MED21: variants seen among roughly 807,000 people sequenced by gnomAD.
MED21 encodes mediator complex subunit 21, also known as mediator of RNA polymerase II transcription subunit 21.
In MED21, 9 loss-of-function variants were observed where a neutral mutation model predicts 18.2. That is an observed-to-expected ratio of 0.49 (90% CI 0.30 to 0.86). The LOEUF (loss-of-function observed/expected upper bound fraction) is 0.86. MED21 is among the 40% of genes least tolerant of loss of function. The probability of loss-of-function intolerance (pLI) is 0.07; values close to 1 mark genes in which losing one functional copy is unlikely to be tolerated. For synonymous variants in MED21, 73 were observed against 60.5 expected (o/e 1.21, Z -0.96); for missense variants, 150 against 170.9 (o/e 0.88, Z 0.68).
At chr12:27,037,644 A>G (rs1308519019) in intron 2 of MED21, 2 of 152,230 alleles carry the variant, frequency 1.3e-5, no homozygotes, top group African/African-American at 2.4e-5. Flanking sequence ...TCAGGAATGC[A>G]TGGCAGTTCT....
intron 1 of MED21, among the ~76,000 whole-genome samples, chr12:27,026,215 A>G (rs1371504202): frequency 1.3e-5 from 2 of 152,226 alleles, no homozygotes; most frequent in African/African-American, 4.8e-5. Flanking sequence ...ACCTAGATTG[A>G]TACCAAACTT....
At chr12:27,036,440 T>G (rs1254533456) in intron 2 of MED21, among the ~76,000 whole-genome samples, 2 of 152,336 alleles carry the variant, frequency 1.3e-5, no homozygotes, top group South Asian at 2.1e-4. Flanking sequence ...CTCTTTAGTT[T>G]AATTAGATCC....
At chr12:27,036,001 G>A (rs937124549) in intron 2 of MED21, among the ~76,000 whole-genome samples, 1 of 152,188 alleles carries the variant, frequency 6.6e-6, no homozygotes, top group Non-Finnish European at 1.5e-5. Context: ...CTAGATCCCT[G>A]AGGAATCACC....
chr12:27,022,892 G>A, intron 1 of MED21: 1 of 1,383,952 alleles, frequency 7.2e-7, no homozygotes, highest in Admixed American at 2.6e-5. Flanking sequence ...CAGGACTTGT[G>A]GGCTGCGCGG....
rs1187258196 is a variant in MED21 at position 27,029,531 on chromosome 12, G to GT, written c.*1073dup. 7 of 985,256 alleles carry GT rather than the reference G, an allele frequency of 7.1e-6. 1 individual carries two copies. In the African/African-American group the frequency reaches 1.0e-4, roughly 15 times the overall value. The allele number at this position is 985,256 out of a possible 1,614,324, so 61.0% of individuals were successfully genotyped here. Reference sequence around the variant, plus strand: ...TTGCTGCAATCTGTTGCTATTCAGAGTTTAAGTTTCAGGAGAAAACAGGAA... The same window carrying GT: ...TTGCTGCAATCTGTTGCTATTCAGAGTTTTAAGTTTCAGGAGAAAACAGGAA... On this transcript the variant is annotated 3_prime_UTR_variant, in exon 4 of 4. Transcript: ENST00000282892.
At position 27,027,335 on chromosome 12, in the gene MED21, A is replaced by T; in HGVS notation, c.158-12A>T. The T allele has an allele frequency of 6.3e-7, 1 of 1,592,824 alleles. No individual in the cohort carries two copies. The highest frequency in any genetic ancestry group is 2.2e-5 in the East Asian group (1 of 44,746). On this transcript the variant is annotated splice_polypyrimidine_tract_variant and intron_variant, in intron 2 of 3. Coordinates refer to ENST00000282892, the MANE Select transcript of MED21 (RefSeq NM_004264.5). Reference sequence around the variant, plus strand: ...TTTTCTAATATCCTAATCTAGCAGTATCTTTCTCTAGAGTATGCCCAGCTT... The same window carrying T: ...TTTTCTAATATCCTAATCTAGCAGTTTCTTTCTCTAGAGTATGCCCAGCTT...
At position 27,022,584 on chromosome 12, in the gene MED21, C is replaced by T. The variant is rs745967078; in HGVS notation, c.5C>T (p.Ala2Val). 2.0e-5 allele frequency: 32 copies of T among 1,563,774 alleles called. No homozygotes were observed. The highest frequency in any genetic ancestry group is 2.3e-5 in the East Asian group (1 of 44,098). ...TCTGTTTGCTGCGGTAGGAACATGG[C>T]GGATCGGCTCACGCAGCTTCAGGAC... MADRLTQLQDAV... is the reference protein window; with the variant it reads MVDRLTQLQDAV... Residue 2 changes from alanine to valine, a missense_variant, in exon 1 of 4, where the codon GCG becomes GTG. Physicochemically the swap from Ala to Val is moderately conservative, Grantham distance 64 (BLOSUM62 0). Coordinates refer to ENST00000282892, the MANE Select transcript of MED21 (RefSeq NM_004264.5).
At chr12:27,035,107 C>CA (rs570724008), downstream of MED21, among the ~76,000 whole-genome samples, 7 of 152,232 alleles carry the variant, frequency 4.6e-5, no homozygotes, top group South Asian at 1.5e-3. Context: ...TCCAGCTACT[C>CA]AGTTGGGAGG....
Position 27,028,484 on chromosome 12 carries a change from G to C in MED21, c.*23G>C. The C allele has an allele frequency of 6.2e-7, 1 of 1,601,902 alleles. No homozygotes were observed. The highest frequency in any genetic ancestry group is 8.5e-7 in the Non-Finnish European group (1 of 1,172,278). ...TAGCATCAGTGGATACCATGTGGCT[G>C]AGAAAAGAACTGTTTGAGTGCCATT... On this transcript the variant is annotated 3_prime_UTR_variant, in exon 4 of 4. Transcript: ENST00000282892.
rs2136488299 is a variant in MED21 at position 27,028,377 on chromosome 12, G to A, written c.351G>A (p.Lys117=). 2 of 1,614,162 alleles carry A rather than the reference G, an allele frequency of 1.2e-6. No individual in the cohort carries two copies. The highest frequency in any genetic ancestry group is 8.5e-7 in the Non-Finnish European group (1 of 1,180,002). The change falls in exon 4 of 4, where the codon AAG becomes AAA. Residue 117 remains lysine, a synonymous_variant. Transcript: ENST00000282892. The part of the protein sequence containing the change: ...VVYRGDMLLE[K]IQSALADIAQ... ...ATCGAGGAGACATGCTTCTGGAGAA[G>A]ATACAAAGCGCACTTGCTGATATTG...
intron 1 of MED21, among the ~76,000 whole-genome samples, chr12:27,024,905 TA>T: frequency 1.3e-5 from 2 of 152,312 alleles, no homozygotes; most frequent in Admixed American, 1.3e-4. Context: ...TGAACCAAAA[TA>T]GGGGGAATCT....
chr12:27,023,043 C>T (rs1941493656), intron 1 of MED21, among the ~76,000 whole-genome samples: 1 of 152,254 alleles, frequency 6.6e-6, no homozygotes, highest in East Asian at 1.9e-4. Context: ...ATCTCATGCT[C>T]TGGATGACTG....
intron 2 of MED21, chr12:27,037,567 A>C (rs1941657391): frequency 6.6e-6 from 1 of 152,220 alleles, no homozygotes; most frequent in Non-Finnish European, 1.5e-5. Flanking sequence ...GTAAACATGG[A>C]AAAATAGCAA....
chr12:27,025,485 A>G (rs1941531801), intron 1 of MED21, among the ~76,000 whole-genome samples: 1 of 152,190 alleles, frequency 6.6e-6, no homozygotes, highest in Non-Finnish European at 1.5e-5. Flanking sequence ...GAACTGGAAA[A>G]CAACAAGAAG....
At chr12:27,034,079 T>C (rs1307550662), downstream of MED21, among the ~76,000 whole-genome samples, 2 of 152,202 alleles carry the variant, frequency 1.3e-5, no homozygotes, top group Non-Finnish European at 2.9e-5. Flanking sequence ...AAAATTTAAA[T>C]GGTCCTTTAA....
At chr12:27,024,915 C>A (rs1941523831) in intron 1 of MED21, among the ~76,000 whole-genome samples, 1 of 152,186 alleles carries the variant, frequency 6.6e-6, no homozygotes, top group Admixed American at 6.5e-5. Context: ...TAGGGGGAAT[C>A]TTCTTAGCAT....
intron 1 of MED21, among the ~76,000 whole-genome samples, chr12:27,023,856 A>G (rs1040118097): frequency 6.8e-6 from 1 of 146,358 alleles, no homozygotes; most frequent in African/African-American, 2.8e-5. Flanking sequence ...ATAAAACAGT[A>G]ATACATAAAC....
intron 1 of MED21, among the ~76,000 whole-genome samples, chr12:27,023,569 T>C (rs2136481239): frequency 6.6e-6 from 1 of 152,208 alleles, no homozygotes; most frequent in Non-Finnish European, 1.5e-5. Flanking sequence ...AGTGCTGGGA[T>C]TACAGGTGTG....
intron 2 of MED21, chr12:27,038,383 A>C (rs1459351666): frequency 6.6e-6 from 1 of 152,226 alleles, no homozygotes; most frequent in East Asian, 1.9e-4. Context: ...AAAAATTATA[A>C]AGCTTCATTT....
Sources: gnomAD v4.1 joint callset for allele counts (sites outside exome capture counted in the v4.1 genomes callset) on GRCh38, gnomAD v4.1.1 for gene constraint, MANE v1.5 for transcripts, NCBI Gene and HGNC (gene_info 2026-07-23, HGNC 2026-07-21) for gene names.